Variants in ARHGAP24 observed in about 807,000 individuals in gnomAD.
ARHGAP24 encodes the protein Rho GTPase activating protein 24.
A neutral mutation model predicts 76.4 loss-of-function variants in ARHGAP24; 50 were observed. The ratio of observed to expected loss-of-function variants is 0.65; its 90% CI spans 0.52 to 0.83. ARHGAP24 has a LOEUF of 0.83. Among genes scored for constraint, ARHGAP24 ranks in the 40% least tolerant of loss-of-function variants. ARHGAP24 has a pLI of 0.00. For missense variants in ARHGAP24, 930 were observed against 914.2 expected (o/e 1.02, Z -0.22); for synonymous variants, 345 against 323.3 (o/e 1.07, Z -0.72).
chr4:85,854,778 A>G (rs1731458647), intron 3 of ARHGAP24, among the ~76,000 whole-genome samples: 1 of 152,050 alleles, frequency 6.6e-6, no homozygotes, highest in African/African-American at 2.4e-5. Context: ...TTGAAATGGT[A>G]TTTTCAGGGA....
chr4:85,637,309 A>T lies in ARHGAP24; in HGVS notation c.180+66588A>T, dbSNP rs1271880221. On this transcript the variant is annotated intron_variant, in intron 2 of 9. Coordinates refer to ENST00000395184, the MANE Select transcript of ARHGAP24 (RefSeq NM_001025616.3). ...AGCCAAGGTTGTTAATAGTCCAAAG[A>T]TCTTTTGCATCAAATTTTTGGTCTC... 2.6e-5 allele frequency among the ~76,000 whole-genome samples: 4 copies of T among 152,094 alleles called. No homozygotes were observed. The South Asian group carries it at 6.2e-4, about 24-fold the overall frequency.
At chr4:85,537,569 C>CA (rs200457210) in intron 1 of ARHGAP24, among the ~76,000 whole-genome samples, 43 of 150,076 alleles carry the variant, frequency 2.9e-4, no homozygotes, top group East Asian at 7.8e-4. Context: ...TGTTCTCATA[C>CA]AAAAAAAAAG....
intron 3 of ARHGAP24, among the ~76,000 whole-genome samples, chr4:85,851,050 G>A (rs1731199097): frequency 1.3e-5 from 2 of 152,168 alleles, no homozygotes; most frequent in Admixed American, 1.3e-4. Context: ...ACAGTGGGGT[G>A]TTAAAGTCTC....
intron 3 of ARHGAP24, among the ~76,000 whole-genome samples, chr4:85,817,406 A>G (rs1040990707): frequency 2.0e-5 from 3 of 152,192 alleles, no homozygotes; most frequent in Non-Finnish European, 4.4e-5. Flanking sequence ...GTTCAATTCT[A>G]TAATCCATTT....
chr4:85,896,902 C>T (rs1011577837), intron 3 of ARHGAP24, among the ~76,000 whole-genome samples: 2 of 152,116 alleles, frequency 1.3e-5, no homozygotes, highest in Admixed American at 6.5e-5. Context: ...ATTTATACCC[C>T]GTGAGCACTG....
chr4:85,771,160 A>G (rs574205789), intron 3 of ARHGAP24, among the ~76,000 whole-genome samples: 2 of 152,208 alleles, frequency 1.3e-5, no homozygotes, highest in Non-Finnish European at 2.9e-5. Context: ...AAGGAGATAT[A>G]TAGATATATA....
At chr4:85,501,341 A>G (rs193053097) in intron 1 of ARHGAP24, among the ~76,000 whole-genome samples, 9 of 152,338 alleles carry the variant, frequency 5.9e-5, no homozygotes, top group South Asian at 2.1e-4. Context: ...AGTCCCACCA[A>G]CAGTGTAAAT....
chr4:85,546,591 G>A lies in ARHGAP24; in HGVS notation c.-20-23931G>A, dbSNP rs1578023753. ...CAGCCTCTTTATCTGGGGGCTCAAA[G>A]CACTAAGGCCAAGAAAATTCAATGA... On this transcript the variant is annotated intron_variant, in intron 1 of 9. Coordinates refer to ENST00000395184, the MANE Select transcript of ARHGAP24 (RefSeq NM_001025616.3). Among the ~76,000 whole-genome samples, 3 of 152,278 alleles carry A rather than the reference G, an allele frequency of 2.0e-5. No individual in the cohort carries two copies. The East Asian group carries it at 5.8e-4, about 29-fold the overall frequency.
chr4:85,545,091 T>C (rs1376940850), intron 1 of ARHGAP24, among the ~76,000 whole-genome samples: 2 of 144,150 alleles, frequency 1.4e-5, no homozygotes, highest in African/African-American at 5.9e-5. Flanking sequence ...TGCTCTACAG[T>C]TTCTTTTTTT....
rs7664336 is a variant in ARHGAP24, at chr4:85,901,789, T to C, written c.269-21859T>C. 5.8e-3 allele frequency among the ~76,000 whole-genome samples: 889 copies of C among 152,054 alleles called. 8 individuals are homozygous for C. The highest frequency in any genetic ancestry group is 0.018 in the African/African-American group (762 of 41,442). On this transcript the variant is annotated intron_variant, in intron 3 of 9. Transcript: ENST00000395184. ...AACCAGAAGAGATGGTCTGGTCTGT[T>C]GGCAATCTATCTGCCACATTTTTTT... is the stretch of plus-strand genomic sequence containing the variant.
chr4:85,479,436 G>A (rs757367953), intron 1 of ARHGAP24, among the ~76,000 whole-genome samples: 26 of 152,172 alleles, frequency 1.7e-4, no homozygotes, highest in Non-Finnish European at 5.9e-5. Context: ...CAAGTGGGAG[G>A]TCCTGGATTT....
At chr4:85,744,698 C>A (rs746651473) in intron 3 of ARHGAP24, among the ~76,000 whole-genome samples, 1 of 130,316 alleles carries the variant, frequency 7.7e-6, no homozygotes, top group Non-Finnish European at 1.7e-5. Flanking sequence ...ACATTCCTGA[C>A]TGACAGGACT....
intron 2 of ARHGAP24, among the ~76,000 whole-genome samples, chr4:85,662,954 T>TG (rs573750537): frequency 0.039 from 5,959 of 152,200 alleles, 381 homozygotes; most frequent in African/African-American, 0.13. Flanking sequence ...GGTAGCGTGA[T>TG]GCCTCCAGCT....
chr4:85,915,957 A>G (rs1735363456), intron 3 of ARHGAP24, among the ~76,000 whole-genome samples: 2 of 152,166 alleles, frequency 1.3e-5, no homozygotes. Flanking sequence ...TGCTGGGTCA[A>G]ACGGCATTTC....
intron 1 of ARHGAP24, among the ~76,000 whole-genome samples, chr4:85,517,041 T>C (rs764748453): frequency 2.6e-5 from 4 of 152,182 alleles, no homozygotes; most frequent in African/African-American, 4.8e-5. Context: ...TTTCCTTCAG[T>C]GAGTTGAGCT....
chr4:85,520,739 T>C (rs1724709874), intron 1 of ARHGAP24, among the ~76,000 whole-genome samples: 1 of 152,230 alleles, frequency 6.6e-6, no homozygotes, highest in Non-Finnish European at 1.5e-5. Flanking sequence ...CAGTGCATGA[T>C]GCAGAGAATC....
chr4:85,930,522 G>C, intron 4 of ARHGAP24: 5 of 1,009,784 alleles, frequency 5.0e-6, no homozygotes, highest in Non-Finnish European at 5.9e-6. Flanking sequence ...GCTATTTGCT[G>C]ACCTTTCCAG....
chr4:85,681,432 A>C (rs1723200624), intron 2 of ARHGAP24, among the ~76,000 whole-genome samples: 1 of 152,188 alleles, frequency 6.6e-6, no homozygotes, highest in Non-Finnish European at 1.5e-5. Flanking sequence ...ATGTAAGTTC[A>C]AGAAAGCCTT....
intron 2 of ARHGAP24, among the ~76,000 whole-genome samples, chr4:85,661,179 G>A (rs1327018482): frequency 6.6e-6 from 1 of 152,174 alleles, no homozygotes; most frequent in Non-Finnish European, 1.5e-5. Context: ...AATGCAGTGA[G>A]TGGTTACTGT....
Sources: gnomAD v4.1 joint callset for allele counts (sites outside exome capture counted in the v4.1 genomes callset) on GRCh38, gnomAD v4.1.1 for gene constraint, MANE v1.5 for transcripts, NCBI Gene and HGNC (gene_info 2026-07-23, HGNC 2026-07-21) for gene names.